CTNNA3: variants seen among roughly 807,000 people sequenced by gnomAD.
CTNNA3 encodes catenin alpha 3.
In CTNNA3, 76 loss-of-function variants were observed where a neutral mutation model predicts 95.7. That is an observed-to-expected ratio of 0.79 (90% CI 0.66 to 0.96). CTNNA3 has a LOEUF of 0.96. CTNNA3 is among the 40% of genes least tolerant of loss of function. The pLI, the probability that CTNNA3 is intolerant of heterozygous loss-of-function variation, is 0.00. For missense variants in CTNNA3, 1,191 were observed against 1,089.8 expected, an observed-to-expected ratio of 1.09 and a Z score of -1.31; for synonymous variants, 431 against 374.4, an observed-to-expected ratio of 1.15 and a Z score of -1.74.
intron 5 of CTNNA3, among the ~76,000 whole-genome samples, chr10:67,466,185 A>AT (rs1183303181): frequency 2.0e-5 from 3 of 152,092 alleles, no homozygotes; most frequent in African/African-American, 7.2e-5. Flanking sequence ...GTACAATGCT[A>AT]TTTTTTCTAA....
intron 15 of CTNNA3, among the ~76,000 whole-genome samples, chr10:66,014,432 G>A (rs2079057571): frequency 6.6e-6 from 1 of 152,080 alleles, no homozygotes; most frequent in Non-Finnish European, 1.5e-5. Flanking sequence ...TGTGGTAATA[G>A]CATTCAATGG....
intron 9 of CTNNA3, among the ~76,000 whole-genome samples, chr10:66,663,680 TGAAA>T (rs1846341623): frequency 6.6e-6 from 1 of 152,138 alleles, no homozygotes; most frequent in African/African-American, 2.4e-5. Context: ...TTGCTAGTGT[TGAAA>T]GAATCACTGA....
At chr10:66,449,122 C>A (rs1053031937) in intron 11 of CTNNA3, among the ~76,000 whole-genome samples, 1 of 151,676 alleles carries the variant, frequency 6.6e-6, no homozygotes, top group Admixed American at 6.6e-5. Flanking sequence ...AAAATATATG[C>A]CCAATAAAAT....
At chr10:66,906,423 CA>C (rs1469571317) in intron 7 of CTNNA3, among the ~76,000 whole-genome samples, 1 of 152,108 alleles carries the variant, frequency 6.6e-6, no homozygotes, top group Non-Finnish European at 1.5e-5. Context: ...GGAAATTCTA[CA>C]GGACAAATAA....
intron 1 of CTNNA3, chr10:67,750,391 T>C: frequency 6.7e-7 from 1 of 1,490,436 alleles, no homozygotes; most frequent in Non-Finnish European, 9.4e-7. Flanking sequence ...AGGTGGCCAT[T>C]GATGCAGGAT....
intron 9 of CTNNA3, among the ~76,000 whole-genome samples, chr10:66,726,269 G>A (rs542263039): frequency 6.6e-6 from 1 of 152,084 alleles, no homozygotes; most frequent in South Asian, 2.1e-4. Flanking sequence ...AGAATTTCAT[G>A]GGTTCCTTTC....
intron 13 of CTNNA3, among the ~76,000 whole-genome samples, chr10:66,250,361 G>A (rs138590046): frequency 6.1e-4 from 93 of 152,196 alleles, no homozygotes; most frequent in African/African-American, 2.1e-3. Context: ...GTATTTGATA[G>A]CATGACAGAG....
chr10:66,015,334 T>G (rs953040204), intron 15 of CTNNA3, among the ~76,000 whole-genome samples: 1 of 152,110 alleles, frequency 6.6e-6, no homozygotes, highest in Non-Finnish European at 1.5e-5. Context: ...AGATAGTTCA[T>G]TAAAATAGGG....
chr10:67,345,687 C>T (rs757538500), intron 5 of CTNNA3, among the ~76,000 whole-genome samples: 5 of 151,996 alleles, frequency 3.3e-5, no homozygotes, highest in Non-Finnish European at 5.9e-5. Flanking sequence ...ATATCTTTTC[C>T]CATCCCTTTA....
chr10:66,816,955 AG>A, intron 7 of CTNNA3, among the ~76,000 whole-genome samples: 1 of 152,212 alleles, frequency 6.6e-6, no homozygotes, highest in African/African-American at 2.4e-5. Flanking sequence ...AAGAGACATT[AG>A]AAAATATTTT....
At chr10:66,628,218 T>G (rs1448103171) in intron 9 of CTNNA3, among the ~76,000 whole-genome samples, 1 of 152,190 alleles carries the variant, frequency 6.6e-6, no homozygotes, top group Non-Finnish European at 1.5e-5. Context: ...TCATTGTTAA[T>G]ATAAATTATT....
chr10:67,008,257 T>C (rs1442405172), intron 7 of CTNNA3, among the ~76,000 whole-genome samples: 1 of 152,138 alleles, frequency 6.6e-6, no homozygotes, highest in Non-Finnish European at 1.5e-5. Flanking sequence ...TATCCTAACT[T>C]CCATCAATTT....
intron 9 of CTNNA3, among the ~76,000 whole-genome samples, chr10:66,693,387 G>C (rs1847633812): frequency 6.8e-6 from 1 of 146,874 alleles, no homozygotes; most frequent in Non-Finnish European, 1.5e-5. Context: ...ATGGTAAAGG[G>C]ATCAATTCAA....
intron 11 of CTNNA3, among the ~76,000 whole-genome samples, chr10:66,496,439 G>GA (rs890006199): frequency 1.3e-5 from 2 of 152,002 alleles, no homozygotes; most frequent in Non-Finnish European, 2.9e-5. Context: ...GAATAATGAA[G>GA]AAAAAATATA....
At chr10:66,432,078 G>A (rs538704764) in intron 11 of CTNNA3, among the ~76,000 whole-genome samples, 5 of 151,790 alleles carry the variant, frequency 3.3e-5, no homozygotes, top group East Asian at 1.9e-4. Flanking sequence ...TTTGGAATTC[G>A]TAAAATAATT....
chr10:66,635,716 G>A (rs897502757), intron 9 of CTNNA3, among the ~76,000 whole-genome samples: 1 of 152,066 alleles, frequency 6.6e-6, no homozygotes, highest in Non-Finnish European at 1.5e-5. Context: ...AACTAATCAC[G>A]AAATACACAC....
Position 66,626,706 on chromosome 10 carries a change from T to C in CTNNA3, c.1282-4922A>G, listed in dbSNP as rs79959750. 9.5e-3 allele frequency among the ~76,000 whole-genome samples: 1,444 copies of C among 152,122 alleles called. 23 individuals are homozygous for C. The highest frequency in any genetic ancestry group is 0.033 in the African/African-American group (1,383 of 41,512). On this transcript the variant is annotated intron_variant, in intron 9 of 17. Coordinates refer to ENST00000433211, the MANE Select transcript of CTNNA3 (RefSeq NM_013266.4). ...GGGGCCTACAAAAAATCCAAATCAA[T>C]AGTCCTCAACTTGTGGGATAAGAGA...
intron 5 of CTNNA3, among the ~76,000 whole-genome samples, chr10:67,247,308 T>C (rs1347829869): frequency 6.6e-6 from 1 of 152,168 alleles, no homozygotes; most frequent in African/African-American, 2.4e-5. Context: ...ATTGATACAG[T>C]TCGCAAAAGG....
intron 14 of CTNNA3, among the ~76,000 whole-genome samples, chr10:66,095,483 G>A (rs1009992342): frequency 1.5e-4 from 23 of 152,052 alleles, no homozygotes; most frequent in African/African-American, 5.1e-4. Flanking sequence ...GAGGTCATGT[G>A]TCCCAATATT....
Sources: allele counts gnomAD v4.1 joint callset (sites outside exome capture counted in the v4.1 genomes callset), GRCh38; gene constraint gnomAD v4.1.1; transcripts MANE v1.5; gene names NCBI Gene and HGNC (gene_info 2026-07-23, HGNC 2026-07-21).